The following CNTLN variants were observed in gnomAD, a reference collection of about 807,000 sequenced individuals.
CNTLN encodes the protein centlein, centrosomal protein.
In CNTLN, 212 loss-of-function variants were observed where a neutral mutation model predicts 180.0. The ratio of observed to expected loss-of-function variants is 1.18; its 90% CI spans 1.05 to 1.32. CNTLN has a LOEUF of 1.32. Among genes scored for constraint, CNTLN ranks in the 40% most tolerant of loss-of-function variants. The probability of loss-of-function intolerance (pLI) is 0.00; values close to 1 mark genes in which losing one functional copy is unlikely to be tolerated. For synonymous variants in CNTLN, 722 were observed against 563.1 expected (o/e 1.28, Z -3.99); for missense variants, 2,095 against 1,610.9 (o/e 1.30, Z -5.14).
chr9:17,348,543 T>TG (rs1024499812), intron 12 of CNTLN, among the ~76,000 whole-genome samples: 28 of 151,148 alleles, frequency 1.9e-4, no homozygotes, highest in Middle Eastern at 3.4e-3. Context: ...TTTTTTTTTT[T>TG]TTTTTGAGAC....
chr9:17,511,506 G>T, the CNTLN span, among the ~76,000 whole-genome samples: 1 of 152,144 alleles, frequency 6.6e-6, no homozygotes, highest in South Asian at 2.1e-4. Context: ...ATGGCTGTTG[G>T]CAGGATTCAG....
chr9:17,514,417 T>C, the CNTLN span, among the ~76,000 whole-genome samples: 1 of 152,164 alleles, frequency 6.6e-6, no homozygotes, highest in Admixed American at 6.6e-5. Flanking sequence ...ACCAGATGAC[T>C]TTATCATTAA....
intron 23 of CNTLN, among the ~76,000 whole-genome samples, chr9:17,471,261 A>C (rs1215143474): frequency 6.6e-6 from 1 of 151,966 alleles, no homozygotes; most frequent in Non-Finnish European, 1.5e-5. Flanking sequence ...TTACTGAAAA[A>C]AGTCCAAGCA....
At chr9:17,142,255 AT>A (rs568281899) in intron 1 of CNTLN, among the ~76,000 whole-genome samples, 4 of 151,794 alleles carry the variant, frequency 2.6e-5, no homozygotes, top group African/African-American at 9.7e-5. Flanking sequence ...TTATTTTGCA[AT>A]TTTTTTTAGC....
At chr9:17,309,673 TA>T (rs11299962) in intron 8 of CNTLN, among the ~76,000 whole-genome samples, 126,732 of 151,886 alleles carry the variant, frequency 0.83, 53,064 homozygotes, top group Non-Finnish European at 0.87. Context: ...ACTACCTTGA[TA>T]ACATGATTTT....
At chr9:17,259,489 T>A (rs1319748970) in intron 5 of CNTLN, among the ~76,000 whole-genome samples, 1 of 149,310 alleles carries the variant, frequency 6.7e-6, no homozygotes, top group African/African-American at 2.6e-5. Context: ...GCTGGCCTCA[T>A]AAAATGAGTT....
At chr9:17,284,815 C>G (rs1828880528) in intron 6 of CNTLN, among the ~76,000 whole-genome samples, 1 of 151,784 alleles carries the variant, frequency 6.6e-6, no homozygotes, top group South Asian at 2.1e-4. Flanking sequence ...GGTTTATTTG[C>G]TCTTGGTTCT....
At chr9:17,293,032 C>T (rs529467890) in intron 6 of CNTLN, among the ~76,000 whole-genome samples, 1 of 152,308 alleles carries the variant, frequency 6.6e-6, no homozygotes, top group East Asian at 1.9e-4. Context: ...TTCCGGAGGG[C>T]TGCTGTGGTT....
chr9:17,510,507 T>C, the CNTLN span, among the ~76,000 whole-genome samples: 1 of 152,210 alleles, frequency 6.6e-6, no homozygotes, highest in African/African-American at 2.4e-5. Flanking sequence ...GATTAACCTT[T>C]AAGTCAGTGG....
chr9:17,381,948 A>C (rs1488249600), intron 13 of CNTLN, among the ~76,000 whole-genome samples: 1 of 152,164 alleles, frequency 6.6e-6, no homozygotes, highest in Non-Finnish European at 1.5e-5. Flanking sequence ...GCTCATTTAT[A>C]CCCATGTTTC....
chr9:17,186,716 C>A (rs1821455866), intron 2 of CNTLN, among the ~76,000 whole-genome samples: 2 of 152,056 alleles, frequency 1.3e-5, no homozygotes, highest in South Asian at 4.2e-4. Context: ...GCAAACATTA[C>A]CTTATTTAAT....
intron 8 of CNTLN, among the ~76,000 whole-genome samples, chr9:17,330,203 T>C (rs568147975): frequency 2.0e-5 from 3 of 152,230 alleles, no homozygotes; most frequent in African/African-American, 7.2e-5. Flanking sequence ...AAGCTGATTG[T>C]ACTTATAATG....
chr9:17,287,490 C>T (rs371680469), intron 6 of CNTLN, among the ~76,000 whole-genome samples: 11 of 150,840 alleles, frequency 7.3e-5, no homozygotes, highest in Admixed American at 5.3e-4. Context: ...TGTCTCTGCC[C>T]GGCTTTGGTA....
intron 15 of CNTLN, among the ~76,000 whole-genome samples, chr9:17,396,170 A>C (rs374786652): frequency 7.2e-5 from 11 of 152,354 alleles, no homozygotes; most frequent in African/African-American, 2.6e-4. Flanking sequence ...GCATATCGTC[A>C]AGAAATAACC....
At chr9:17,330,048 G>A (rs1020066215) in intron 8 of CNTLN, among the ~76,000 whole-genome samples, 28 of 152,140 alleles carry the variant, frequency 1.8e-4, no homozygotes, top group Non-Finnish European at 4.1e-4. Context: ...TAGTTTTCCT[G>A]TGACTTCTGT....
At chr9:17,399,795 T>C (rs1346510688) in intron 15 of CNTLN, among the ~76,000 whole-genome samples, 2 of 152,158 alleles carry the variant, frequency 1.3e-5, no homozygotes, top group African/African-American at 4.8e-5. Context: ...GTGGCTTCCT[T>C]ATACCAGAGG....
intron 5 of CNTLN, among the ~76,000 whole-genome samples, chr9:17,242,827 G>A (rs944666850): frequency 2.0e-5 from 3 of 152,134 alleles, no homozygotes; most frequent in Non-Finnish European, 4.4e-5. Context: ...ATGTGTCTTT[G>A]TCTGGCTTTA....
the CNTLN span, among the ~76,000 whole-genome samples, chr9:17,519,655 C>G: frequency 6.6e-6 from 1 of 152,176 alleles, no homozygotes; most frequent in Non-Finnish European, 1.5e-5. Flanking sequence ...GGATCATGGA[C>G]TCCATCACCG....
chr9:17,354,965 T>A (rs887892539), intron 12 of CNTLN, among the ~76,000 whole-genome samples: 2 of 151,862 alleles, frequency 1.3e-5, no homozygotes, highest in African/African-American at 2.4e-5. Context: ...ACACGCTGTG[T>A]TGAGAGCTGT....
Sources: allele counts gnomAD v4.1 joint callset (sites outside exome capture counted in the v4.1 genomes callset), GRCh38; gene constraint gnomAD v4.1.1; transcripts MANE v1.5; gene names NCBI Gene and HGNC (gene_info 2026-07-23, HGNC 2026-07-21).